The following NFASC variants were observed in gnomAD, a reference collection of about 807,000 sequenced individuals.
NFASC encodes neurofascin.
Under a neutral mutation model 147.5 loss-of-function variants are expected in NFASC, and 43 were observed. That is an observed-to-expected ratio of 0.29 (90% CI 0.23 to 0.38). The LOEUF is 0.38. Ranked by LOEUF, NFASC falls within the 10% of genes least tolerant of loss-of-function variation. The pLI is 1.00. For synonymous variants in NFASC, 622 were observed against 665.5 expected (o/e 0.93, Z 1.01); for missense variants, 1,320 against 1,689.0 (o/e 0.78, Z 3.83).
At chr1:204,955,632 A>G (rs1261861913) in intron 7 of NFASC, among the ~76,000 whole-genome samples, 2 of 151,998 alleles carry the variant, frequency 1.3e-5, no homozygotes, top group Non-Finnish European at 2.9e-5. Flanking sequence ...GTTTCTTCCC[A>G]TGTTTTCAAT....
At position 205,016,287 on chromosome 1, in the gene NFASC, T is replaced by C; in HGVS notation, c.3492-21T>C. ...TGCCCCATCTCACCCCACCTGAGAT[T>C]CTCTGTCTCTCTTTGGCCAGTGATG... On this transcript the variant is annotated intron_variant, in intron 29 of 29. Coordinates refer to ENST00000339876, the MANE Select transcript of NFASC (RefSeq NM_001005388.3). The surrounding 1 kb of genome is among the most constrained non-coding windows in gnomAD (Gnocchi z 5.1). The C allele has an allele frequency of 6.4e-7, 1 of 1,565,806 alleles. No individual in the cohort carries two copies. Among genetic ancestry groups the C allele is most frequent in the Non-Finnish European group, 8.8e-7 (1 of 1,136,304 alleles).
rs557631454 is a variant in NFASC, at chr1:204,949,535, A to G, written c.92-1022A>G. Among the ~76,000 whole-genome samples the G allele has an allele frequency of 2.6e-5, 4 of 152,368 alleles. No homozygotes were observed. The South Asian group carries it at 8.3e-4, about 32-fold the overall frequency. ...CTTTCTGATATATTCATCAGGAAAAAACATTTGAAAGTCACAGCAACACAT... is the reference window on the plus strand; with the variant it reads ...CTTTCTGATATATTCATCAGGAAAAGACATTTGAAAGTCACAGCAACACAT... On this transcript the variant is annotated intron_variant, in intron 3 of 29. Coordinates refer to ENST00000339876, the MANE Select transcript of NFASC (RefSeq NM_001005388.3).
At chr1:204,966,232 C>A (rs1211818842) in intron 8 of NFASC, among the ~76,000 whole-genome samples, 2 of 152,188 alleles carry the variant, frequency 1.3e-5, no homozygotes, top group African/African-American at 4.8e-5. Context: ...CAGCAGAACT[C>A]TGTGCTAAAT....
intron 1 of NFASC, among the ~76,000 whole-genome samples, chr1:204,842,576 TC>T: frequency 6.6e-6 from 1 of 152,264 alleles, no homozygotes; most frequent in East Asian, 1.9e-4. Flanking sequence ...CCAAAACAAA[TC>T]CCCTGTCACC....
chr1:204,835,698 A>G (rs1201760761), intron 1 of NFASC, among the ~76,000 whole-genome samples: 1 of 152,118 alleles, frequency 6.6e-6, no homozygotes, highest in Non-Finnish European at 1.5e-5. Context: ...GGAGCAGTAT[A>G]TGGAGACAAA....
rs371915587 is a variant in NFASC at position 204,974,802 on chromosome 1, C to G, written c.1537C>G (p.Gln513Glu). 6.2e-7 allele frequency: 1 copy of G among 1,614,066 alleles called. No individual in the cohort carries two copies. The highest frequency in any genetic ancestry group is 8.5e-7 in the Non-Finnish European group (1 of 1,180,040). ...ATNILGKAEN[Q>E]VRLEVKDPTR... ...CAACATCCTGGGCAAAGCTGAAAAC[C>G]AAGTCCGCCTGGAGGTCAAAGGTAA... The change falls in exon 14 of 30, where the codon CAA becomes GAA. Residue 513 changes from glutamine (Q) to glutamate (E), a missense_variant. Physicochemically the swap from Gln to Glu is conservative, Grantham distance 29. This residue lies in a region of NFASC where 981 missense variants were observed against 1,289.5 expected (regional missense o/e 0.76). Coordinates refer to ENST00000339876, the MANE Select transcript of NFASC (RefSeq NM_001005388.3).
intron 1 of NFASC, among the ~76,000 whole-genome samples, chr1:204,868,514 T>A (rs528679713): frequency 1.3e-5 from 2 of 152,152 alleles, no homozygotes; most frequent in Non-Finnish European, 2.9e-5. Context: ...GCCCAGCAGC[T>A]GTCTTCCCCT....
At chr1:204,853,886 T>G (rs2075909866) in intron 1 of NFASC, among the ~76,000 whole-genome samples, 1 of 151,946 alleles carries the variant, frequency 6.6e-6, no homozygotes, top group Non-Finnish European at 1.5e-5. Context: ...GGGGAACCCA[T>G]CCATAGGGGA....
intron 1 of NFASC, among the ~76,000 whole-genome samples, chr1:204,881,502 T>C (rs2148884006): frequency 6.6e-6 from 1 of 152,332 alleles, no homozygotes; most frequent in Non-Finnish European, 1.5e-5. Context: ...TTGGAGTCAC[T>C]ATCCAGTTGA....
At chr1:204,991,237 C>G in intron 23 of NFASC, 55 bp from the exon 24 acceptor site, 2 of 1,596,502 alleles carry the variant, frequency 1.3e-6, no homozygotes, top group Non-Finnish European at 1.7e-6. Context: ...GTTTTCTCTT[C>G]CCTTTTCCAT....
intron 1 of NFASC, among the ~76,000 whole-genome samples, chr1:204,895,773 T>G (rs2083272582): frequency 6.6e-6 from 1 of 152,226 alleles, no homozygotes; most frequent in Admixed American, 6.5e-5. Flanking sequence ...TCCAAACCAG[T>G]ACTCACAAAT....
chr1:204,949,536 A>G (rs577536239), intron 3 of NFASC, among the ~76,000 whole-genome samples: 2 of 152,354 alleles, frequency 1.3e-5, no homozygotes, highest in East Asian at 3.9e-4. Flanking sequence ...TCAGGAAAAA[A>G]CATTTGAAAG....
intron 27 of NFASC, 117 bp from the exon 28 acceptor site, chr1:205,009,440 T>C: frequency 9.0e-7 from 1 of 1,112,698 alleles, no homozygotes; most frequent in Non-Finnish European, 1.4e-6. Context: ...TAGGTGGTAG[T>C]GTTAGGCTCC....
intron 27 of NFASC, among the ~76,000 whole-genome samples, chr1:205,007,254 G>A (rs746135914): frequency 6.6e-6 from 1 of 151,910 alleles, no homozygotes; most frequent in East Asian, 1.9e-4. Context: ...CAATTAGCTA[G>A]GCATGGTGAC....
At chr1:204,933,858 C>T (rs1573290050) in intron 2 of NFASC, among the ~76,000 whole-genome samples, 1 of 152,126 alleles carries the variant, frequency 6.6e-6, no homozygotes, top group African/African-American at 2.4e-5. Flanking sequence ...ATAGGAGAGG[C>T]TGGGCATGGT....
chr1:204,850,602 G>T (rs1347835738), intron 1 of NFASC, among the ~76,000 whole-genome samples: 1 of 152,216 alleles, frequency 6.6e-6, no homozygotes, highest in African/African-American at 2.4e-5. Flanking sequence ...GTTCTCACGA[G>T]ATCTGATGGT....
intron 1 of NFASC, among the ~76,000 whole-genome samples, chr1:204,841,127 T>C (rs1313437219): frequency 6.6e-6 from 1 of 152,222 alleles, no homozygotes; most frequent in African/African-American, 2.4e-5. Context: ...AAGAAGGCTA[T>C]GGGACATGCA....
At chr1:204,981,578 C>A (rs893183498) in intron 20 of NFASC, among the ~76,000 whole-genome samples, 11 of 152,272 alleles carry the variant, frequency 7.2e-5, no homozygotes, top group African/African-American at 2.7e-4. Flanking sequence ...TCAGGCGAAG[C>A]CTGTGTCACA....
chr1:204,833,357 A>G (rs1349220777), intron 1 of NFASC, among the ~76,000 whole-genome samples: 1 of 152,246 alleles, frequency 6.6e-6, no homozygotes, highest in Non-Finnish European at 1.5e-5. Flanking sequence ...TGAAGATTAC[A>G]GAACAGGTGA....
Sources: gnomAD v4.1 joint callset for allele counts (sites outside exome capture counted in the v4.1 genomes callset) on GRCh38, gnomAD v4.1.1 for gene constraint, gnomAD v4.1.1 regional missense constraint, Gnocchi (gnomAD v3.1) non-coding constraint, MANE v1.5 for transcripts, NCBI Gene and HGNC (gene_info 2026-07-23, HGNC 2026-07-21) for gene names.